The following USP42 variants were observed in gnomAD, a reference collection of about 807,000 sequenced individuals.
USP42 encodes ubiquitin specific peptidase 42, also known as ubiquitin carboxyl-terminal hydrolase 42.
USP42 carries 23 observed loss-of-function variants against 113.0 expected under a neutral mutation model. That is an observed-to-expected ratio of 0.20 (90% confidence interval 0.15 to 0.29). USP42 has a LOEUF of 0.29. USP42 is among the 10% of genes least tolerant of loss of function. The pLI is 1.00. For missense variants in USP42, 2,174 were observed against 1,779.8 expected (o/e 1.22, Z -3.99); for synonymous variants, 933 against 699.0 (o/e 1.33, Z -5.28).
rs1782718718 is a variant in USP42, at chr7:6,160,565, T to G, written c.*47T>G. The stretch of plus-strand genomic sequence containing the variant: ...CCTCTTGTCTTTCAGATTCAACGCG[T>G]TCAACAGAAGCCATCCCCAGCCCAG... On this transcript the variant is annotated 3_prime_UTR_variant, in exon 18 of 18. Coordinates refer to ENST00000306177, the MANE Select transcript of USP42 (RefSeq NM_032172.3). 6.6e-6 allele frequency: 1 copy of G among 152,662 alleles called. No homozygotes were observed. The highest frequency in any genetic ancestry group is 2.4e-5 in the African/African-American group (1 of 41,448). 9.5% of individuals were successfully genotyped at this position (152,662 alleles called of 1,614,324 possible).
In USP42 at chr7:6,140,115, C is replaced by T; in HGVS notation, c.657-13C>T. On this transcript the variant is annotated splice_polypyrimidine_tract_variant and intron_variant, in intron 5 of 17. Transcript: ENST00000306177. ...AAAGCTCTTCTCTCATGTCACTGTT[C>T]AACGTTTTTCAGATTAGACAGACAC... 4 of 1,613,436 alleles carry T rather than the reference C, an allele frequency of 2.5e-6. No homozygotes were observed. Among genetic ancestry groups the T allele is most frequent in the Non-Finnish European group, 3.4e-6 (4 of 1,179,398 alleles).
intron 3 of USP42, among the ~76,000 whole-genome samples, chr7:6,122,371 A>C (rs540449889): frequency 1.7e-4 from 26 of 150,894 alleles, no homozygotes; most frequent in African/African-American, 6.3e-4. Context: ...CTGCACCCTC[A>C]ACCTTCTGGG....
rs1346837511 is a variant in USP42, at chr7:6,150,227, T to C, written c.2031T>C (p.Asp677=). ...SDPKENGLAP[D]GASCQGQPAL... ...CGAAAGAAAACGGCCTAGCGCCTGA[T>C]GGTGCCAGCTGCCAAGGCCAGCCTG... Residue 677 remains aspartate (D), a synonymous_variant, in exon 13 of 18, where the codon GAT becomes GAC. Coordinates refer to ENST00000306177, the MANE Select transcript of USP42 (RefSeq NM_032172.3). The C allele has an allele frequency of 6.2e-7, 1 of 1,613,800 alleles. No homozygotes were observed. Among genetic ancestry groups the C allele is most frequent in the African/African-American group, 1.3e-5 (1 of 74,954 alleles).
upstream of USP42, among the ~76,000 whole-genome samples, chr7:6,100,338 T>C (rs190924459): frequency 6.6e-6 from 1 of 150,432 alleles, no homozygotes; most frequent in Admixed American, 6.6e-5. Flanking sequence ...ATTTATTTTA[T>C]GGTTTTTTAA....
At chr7:6,123,646 G>C (rs1780360960) in intron 3 of USP42, among the ~76,000 whole-genome samples, 1 of 151,940 alleles carries the variant, frequency 6.6e-6, no homozygotes, top group Admixed American at 6.6e-5. Flanking sequence ...CTGGGCGACA[G>C]CGAGACTCCA....
chr7:6,093,993 G>A, the USP42 span, among the ~76,000 whole-genome samples: 1 of 150,370 alleles, frequency 6.7e-6, no homozygotes, highest in South Asian at 2.1e-4. Flanking sequence ...GGGTTGAAGT[G>A]ATTCTCCTTC....
intron 9 of USP42, 80 bp from the exon 10 acceptor site, chr7:6,145,436 A>T: frequency 5.1e-6 from 8 of 1,557,564 alleles, no homozygotes; most frequent in Non-Finnish European, 7.0e-6. Flanking sequence ...CCTCCTAGGA[A>T]GCTCTAAGTA....
chr7:6,150,488 G>T lies in USP42; in HGVS notation c.2183G>T (p.Gly728Val), dbSNP rs199521734. ...ETFRLSNKLKGSTDEMSAPGA... is the reference protein window; with the variant it reads ...ETFRLSNKLKVSTDEMSAPGA... ...TTCAGGCTTAGCAACAAACTGAAAGGCTCGACGGATGAAATGAGGTAACGT... is the reference window on the plus strand; with the variant it reads ...TTCAGGCTTAGCAACAAACTGAAAGTCTCGACGGATGAAATGAGGTAACGT... The change falls in exon 14 of 18, where the codon GGC (glycine) becomes GTC (valine). Residue 728 changes from glycine (G) to valine (V), a missense_variant. Gly to Val is a moderately radical substitution (Grantham distance 109). Transcript: ENST00000306177. The T allele has an allele frequency of 1.4e-4, 218 of 1,613,842 alleles. No individual in the cohort carries two copies. Among genetic ancestry groups the T allele is most frequent in the Admixed American group, 2.8e-4 (17 of 60,002 alleles).
intron 3 of USP42, among the ~76,000 whole-genome samples, chr7:6,115,959 C>T (rs1426382592): frequency 6.6e-6 from 1 of 151,992 alleles, no homozygotes; most frequent in Non-Finnish European, 1.5e-5. Context: ...AAAAATTAGT[C>T]TAGCATGGCA....
At chr7:6,129,797 G>T (rs1780748691) in intron 3 of USP42, among the ~76,000 whole-genome samples, 1 of 148,858 alleles carries the variant, frequency 6.7e-6, no homozygotes, top group Non-Finnish European at 1.5e-5. Flanking sequence ...GGAGGCAGAG[G>T]TTTCAGTGAG....
In USP42 at chr7:6,159,591, G is replaced by C. The variant is rs1170915194; in HGVS notation, c.*36+98G>C. ...TTCTGCGGCTCTGCCTGGGGGCTGG[G>C]CTCATAGGAGTTGGCAGAGCCATGG... is the stretch of plus-strand genomic sequence containing the variant. On this transcript the variant is annotated intron_variant, in intron 17 of 17. Coordinates refer to ENST00000306177, the MANE Select transcript of USP42 (RefSeq NM_032172.3). The surrounding 1 kb of genome is among the most constrained non-coding windows in gnomAD (Gnocchi z 4.1). 3 of 1,284,112 alleles carry C rather than the reference G, an allele frequency of 2.3e-6. No homozygotes were observed. The African/African-American group carries it at 4.5e-5, about 19-fold the overall frequency. 79.5% of individuals were successfully genotyped at this position (1,284,112 alleles called of 1,614,324 possible).
intron 3 of USP42, among the ~76,000 whole-genome samples, chr7:6,125,383 C>T (rs560989076): frequency 2.0e-5 from 3 of 151,218 alleles, no homozygotes; most frequent in African/African-American, 7.3e-5. Context: ...TCAGCTACTT[C>T]GGAGACTGAG....
At chr7:6,114,845 C>T (rs927103543) in intron 2 of USP42, among the ~76,000 whole-genome samples, 20 of 150,898 alleles carry the variant, frequency 1.3e-4, no homozygotes, top group African/African-American at 2.2e-4. Flanking sequence ...TGCCCGTCAC[C>T]GCGCCTGGCT....
chr7:6,129,991 A>C (rs773836842), intron 3 of USP42, among the ~76,000 whole-genome samples: 6 of 152,012 alleles, frequency 3.9e-5, no homozygotes, highest in Non-Finnish European at 7.4e-5. Flanking sequence ...ATTTTAAAAC[A>C]ATTTTGTTTT....
chr7:6,132,532 G>T (rs10228389), intron 3 of USP42, among the ~76,000 whole-genome samples: 14,470 of 150,850 alleles, frequency 0.096, 837 homozygotes, highest in African/African-American at 0.16. Context: ...TAATTTTTTG[G>T]ATTTTTAGTA....
At position 6,115,350 on chromosome 7, in the gene USP42, A is replaced by T. The variant is rs368159644; in HGVS notation, c.269A>T (p.Gln90Leu). 1.9e-6 allele frequency: 3 copies of T among 1,614,044 alleles called. No individual in the cohort carries two copies. The South Asian group carries it at 3.3e-5, about 18-fold the overall frequency. ...QALGDGIAPP[Q>L]KVLFPSEKIC... ...CTAGGTGATGGCATCGCTCCTCCAC[A>T]GAAAGTTCTTTTCCCATCTGAGAAG... Residue 90 changes from glutamine to leucine, a missense_variant, in exon 3 of 18, where the codon CAG becomes CTG. Gln to Leu is a moderately radical substitution (Grantham distance 113, BLOSUM62 -2). Transcript: ENST00000306177.
intron 2 of USP42, among the ~76,000 whole-genome samples, chr7:6,114,467 A>G (rs1370252179): frequency 6.6e-6 from 1 of 151,802 alleles, no homozygotes; most frequent in Non-Finnish European, 1.5e-5. Context: ...CCACGACATT[A>G]TCTCAAATCC....
At chr7:6,085,017 C>T in the USP42 span, 2 of 151,288 alleles carry the variant, frequency 1.3e-5, no homozygotes, top group Non-Finnish European at 2.9e-5. Context: ...CCGCACCCAG[C>T]CAAGGACTCT....
intron 7 of USP42, among the ~76,000 whole-genome samples, chr7:6,141,975 T>C (rs1781456075): frequency 1.3e-5 from 2 of 152,198 alleles, no homozygotes; most frequent in South Asian, 4.1e-4. Context: ...TTGAGACCTT[T>C]CTGTGTGAGC....
Sources: gnomAD v4.1 joint callset for allele counts (sites outside exome capture counted in the v4.1 genomes callset) on GRCh38, gnomAD v4.1.1 for gene constraint, Gnocchi (gnomAD v3.1) non-coding constraint, MANE v1.5 for transcripts, NCBI Gene and HGNC (gene_info 2026-07-23, HGNC 2026-07-21) for gene names.